The following DENND11 variants were observed in gnomAD, a reference collection of about 807,000 sequenced individuals.
DENND11 encodes DENN domain containing 11.
A neutral mutation model predicts 49.2 loss-of-function variants in DENND11; 34 were observed. The observed-to-expected ratio is 0.69, with a 90% CI of 0.53 to 0.92. The LOEUF (loss-of-function observed/expected upper bound fraction) is 0.92. DENND11 is among the 40% of genes least tolerant of loss of function. DENND11 has a pLI of 0.00. For synonymous variants in DENND11, 238 were observed against 230.3 expected (o/e 1.03, Z -0.30); for missense variants, 475 against 581.6 (o/e 0.82, Z 1.88).
Position 141,701,947 on chromosome 7 carries a change from C to A in DENND11, c.207G>T (p.Leu69=). ...CCACCTGGTCCTCCTCCACGTCGCC[C>A]AGCTCCAGGCGCCCGGGCTGCAGCA... ...EVLLQPGRLE[L]GDVEEDQVVA... The change falls in exon 1 of 9, where the codon CTG becomes CTT. Residue 69 remains leucine, a synonymous_variant. Coordinates refer to ENST00000536163, the MANE Select transcript of DENND11 (RefSeq NM_001080392.2). The A allele has an allele frequency of 1.7e-6, 2 of 1,193,708 alleles. No individual in the cohort carries two copies. Among genetic ancestry groups the A allele is most frequent in the Non-Finnish European group, 2.1e-6 (2 of 963,428 alleles). 73.9% of individuals were successfully genotyped at this position (1,193,708 alleles called of 1,614,324 possible).
At chr7:141,692,863 TTAAAA>T (rs778312124) in intron 1 of DENND11, among the ~76,000 whole-genome samples, 43 of 152,104 alleles carry the variant, frequency 2.8e-4, no homozygotes, top group Non-Finnish European at 5.0e-4. Flanking sequence ...TAATAATTTT[TTAAAA>T]TATGTAAACC....
intron 3 of DENND11, among the ~76,000 whole-genome samples, chr7:141,681,724 C>T (rs1010151155): frequency 8.5e-5 from 13 of 152,154 alleles, no homozygotes; most frequent in African/African-American, 2.4e-4. Flanking sequence ...CTTATAAAAG[C>T]CTGTGACTTC....
intron 3 of DENND11, among the ~76,000 whole-genome samples, chr7:141,680,749 G>GA (rs779737529): frequency 6.6e-6 from 1 of 151,880 alleles, no homozygotes; most frequent in Non-Finnish European, 1.5e-5. Flanking sequence ...ATGTAATGGG[G>GA]AGACAGCTTC....
intron 3 of DENND11, among the ~76,000 whole-genome samples, chr7:141,683,572 G>A (rs1345798067): frequency 1.3e-5 from 2 of 152,226 alleles, no homozygotes; most frequent in African/African-American, 4.8e-5. Flanking sequence ...GAACCCAGGA[G>A]GCGGAGGTTG....
intron 4 of DENND11, among the ~76,000 whole-genome samples, chr7:141,669,066 GC>G (rs1029855999): frequency 2.0e-5 from 3 of 151,968 alleles, no homozygotes; most frequent in Admixed American, 6.6e-5. Flanking sequence ...CCGGGGCCCA[GC>G]CCCCCTCCCC....
intron 3 of DENND11, among the ~76,000 whole-genome samples, chr7:141,681,685 T>C (rs1003038632): frequency 1.3e-5 from 2 of 152,180 alleles, no homozygotes; most frequent in Non-Finnish European, 2.9e-5. Context: ...AATTTAGTTT[T>C]TGAGAGACAT....
intron 1 of DENND11, among the ~76,000 whole-genome samples, chr7:141,688,112 C>T (rs780961641): frequency 5.9e-5 from 9 of 152,120 alleles, no homozygotes; most frequent in African/African-American, 1.4e-4. Flanking sequence ...AAGCATGCCT[C>T]GGGCTGCGGG....
chr7:141,679,407 A>G (rs908116805), intron 3 of DENND11, among the ~76,000 whole-genome samples: 1 of 152,244 alleles, frequency 6.6e-6, no homozygotes, highest in African/African-American at 2.4e-5. Context: ...CTATTGTACA[A>G]ACTCCTAGAA....
In DENND11 at chr7:141,674,232, C is replaced by A. The variant is rs78776226; in HGVS notation, c.528-12G>T. On this transcript the variant is annotated splice_polypyrimidine_tract_variant and intron_variant, in intron 3 of 8. Coordinates refer to ENST00000536163, the MANE Select transcript of DENND11 (RefSeq NM_001080392.2). ...TCTCCAACTGGTGCCTGCAGAAAAA[C>A]ACACACACACACACACACACACACA... The A allele has an allele frequency of 1.6e-4, 48 of 291,084 alleles. No individual in the cohort carries two copies. Among genetic ancestry groups the A allele is most frequent in the Middle Eastern group, 1.3e-3 (1 of 774 alleles). The allele number at this position is 291,084 out of a possible 1,614,324, so 18.0% of individuals were successfully genotyped here. A position where few individuals can be genotyped will look rare whatever the true frequency, so the allele number is the denominator to read the frequency against.
intron 1 of DENND11, among the ~76,000 whole-genome samples, chr7:141,687,092 A>G (rs1177723298): frequency 6.6e-6 from 1 of 152,150 alleles, no homozygotes; most frequent in Non-Finnish European, 1.5e-5. Flanking sequence ...CATTTTTTAA[A>G]TTCTCATTCT....
chr7:141,701,812 C>T, intron 1 of DENND11, 74 bp downstream of exon 1: 1 of 1,106,040 alleles, frequency 9.0e-7, no homozygotes, highest in South Asian at 4.4e-5. Context: ...GCGCAGCGAG[C>T]CCCTCCCCCG....
At chr7:141,687,759 C>G in intron 1 of DENND11, among the ~76,000 whole-genome samples, 1 of 152,012 alleles carries the variant, frequency 6.6e-6, no homozygotes, top group Non-Finnish European at 1.5e-5. Context: ...CTCAGCCTCC[C>G]CAGTAGCTGG....
rs72053527 is a variant in DENND11 at position 141,669,809 on chromosome 7, A to ATTTT, written c.682-3388_682-3385dup. Among the ~76,000 whole-genome samples the ATTTT allele has an allele frequency of 4.9e-3, 568 of 116,232 alleles. 15 individuals are homozygous for ATTTT. The highest frequency in any genetic ancestry group is 0.019 in the Middle Eastern group (3 of 154). 76.3% of individuals were successfully genotyped at this position (116,232 alleles called of 152,430 possible). ...CAAGTATTATTATATCATACATGCTATTTTTTTTTTTTTTTTTTTTGAGAC... is the reference window on the plus strand; with the variant it reads ...CAAGTATTATTATATCATACATGCTATTTTTTTTTTTTTTTTTTTTTTTTGAGAC... On this transcript the variant is annotated intron_variant, in intron 4 of 8. Transcript: ENST00000536163.
intron 3 of DENND11, among the ~76,000 whole-genome samples, chr7:141,682,231 CTG>C (rs1798158340): frequency 6.6e-6 from 1 of 152,160 alleles, no homozygotes; most frequent in Admixed American, 6.5e-5. Flanking sequence ...GAATGAGACT[CTG>C]TGATGTCTCC....
At chr7:141,691,872 A>G (rs1229937964) in intron 1 of DENND11, among the ~76,000 whole-genome samples, 1 of 152,178 alleles carries the variant, frequency 6.6e-6, no homozygotes, top group Non-Finnish European at 1.5e-5. Flanking sequence ...ACATTTCTAT[A>G]TAGTATCATG....
In DENND11 at chr7:141,669,059, G is replaced by A. The variant is rs556910894; in HGVS notation, c.682-2634C>T. Among the ~76,000 whole-genome samples, 14 of 152,180 alleles carry A rather than the reference G, an allele frequency of 9.2e-5. No homozygotes were observed. The South Asian group carries it at 2.9e-3, about 32-fold the overall frequency. ...CCACTAGGGAAGCCCTCCACTCCCG[G>A]GGCCCAGCCCCCCTCCCCTGTATCC... On this transcript the variant is annotated intron_variant, in intron 4 of 8. Transcript: ENST00000536163.
chr7:141,699,312 G>C (rs1391076409), intron 1 of DENND11, among the ~76,000 whole-genome samples: 1 of 151,966 alleles, frequency 6.6e-6, no homozygotes, highest in East Asian at 1.9e-4. Flanking sequence ...ATCACACAAG[G>C]GGTACATCAG....
rs535685753 is a variant in DENND11, at chr7:141,660,058, C to T, written c.*2598G>A. The T allele has an allele frequency of 5.3e-5, 8 of 152,148 alleles. No individual in the cohort carries two copies. The highest frequency in any genetic ancestry group is 1.7e-4 in the African/African-American group (7 of 41,432). 9.4% of individuals were successfully genotyped at this position (152,148 alleles called of 1,614,324 possible). A position where few individuals can be genotyped will look rare whatever the true frequency, so the allele number is the denominator to read the frequency against. On this transcript the variant is annotated 3_prime_UTR_variant, in exon 9 of 9. Coordinates refer to ENST00000536163, the MANE Select transcript of DENND11 (RefSeq NM_001080392.2). ...TTGGGGAGCAGAATCTGGCATAGAG[C>T]AAGGCTTCGAAAGGTGATTTCCGAA... is the stretch of plus-strand genomic sequence containing the variant.
At chr7:141,670,576 A>C (rs758887620) in intron 4 of DENND11, among the ~76,000 whole-genome samples, 21 of 152,212 alleles carry the variant, frequency 1.4e-4, no homozygotes, top group Non-Finnish European at 2.8e-4. Flanking sequence ...TCAACTCACC[A>C]AGTTTTCAAC....
Sources: gnomAD v4.1 joint callset for allele counts (sites outside exome capture counted in the v4.1 genomes callset) on GRCh38, gnomAD v4.1.1 for gene constraint, MANE v1.5 for transcripts, NCBI Gene and HGNC (gene_info 2026-07-23, HGNC 2026-07-21) for gene names.